TRAPPC9: variants seen among roughly 807,000 people sequenced by gnomAD.
The protein encoded by TRAPPC9 is IKK2 binding protein.
In TRAPPC9, 83 loss-of-function variants were observed where a neutral mutation model predicts 124.0. The observed-to-expected ratio is 0.67, with a 90% confidence interval of 0.56 to 0.80. The LOEUF is 0.80. Among genes scored for constraint, TRAPPC9 ranks in the 30% least tolerant of loss-of-function variants. TRAPPC9 has a pLI of 0.00. For synonymous variants in TRAPPC9, 638 were observed against 617.5 expected (o/e 1.03, Z -0.49); for missense variants, 1,302 against 1,508.3 (o/e 0.86, Z 2.27).
intron 21 of TRAPPC9, among the ~76,000 whole-genome samples, chr8:139,804,677 A>G (rs1365918718): frequency 9.4e-6 from 1 of 105,898 alleles, no homozygotes; most frequent in African/African-American, 3.9e-5. Flanking sequence ...AAGCACCACC[A>G]CCACACACAA....
intron 19 of TRAPPC9, among the ~76,000 whole-genome samples, chr8:139,959,446 G>A (rs1563952784): frequency 6.6e-6 from 1 of 152,182 alleles, no homozygotes; most frequent in Non-Finnish European, 1.5e-5. Context: ...TGGAGGCTCA[G>A]AGAGGGAATG....
At chr8:140,349,529 TGCTTG>T (rs1243209370) in intron 9 of TRAPPC9, among the ~76,000 whole-genome samples, 1 of 152,070 alleles carries the variant, frequency 6.6e-6, no homozygotes, top group African/African-American at 2.4e-5. Flanking sequence ...AGCGGAAGGT[TGCTTG>T]GCTTGGCTGG....
chr8:140,250,251 T>C (rs547202743), intron 16 of TRAPPC9, among the ~76,000 whole-genome samples: 3 of 152,356 alleles, frequency 2.0e-5, no homozygotes, highest in South Asian at 4.1e-4. Flanking sequence ...GCCCAGTCTT[T>C]ATACACAACA....
At chr8:140,274,032 T>C (rs554347112) in intron 15 of TRAPPC9, among the ~76,000 whole-genome samples, 70 of 152,084 alleles carry the variant, frequency 4.6e-4, no homozygotes, top group Non-Finnish European at 7.8e-4. Flanking sequence ...TGTGATCTCC[T>C]TGGGGCTGAA....
intron 17 of TRAPPC9, among the ~76,000 whole-genome samples, chr8:140,172,191 C>A (rs942175733): frequency 6.6e-6 from 1 of 152,114 alleles, no homozygotes; most frequent in African/African-American, 2.4e-5. Context: ...AGCATGAGCA[C>A]CTGTGGAGCA....
In TRAPPC9 at chr8:140,352,479, C is replaced by T. The variant is rs1053309507; in HGVS notation, c.1495+7571G>A. Among the ~76,000 whole-genome samples the T allele has an allele frequency of 6.6e-5, 10 of 152,130 alleles. No individual in the cohort carries two copies. The South Asian group carries it at 1.4e-3, about 22-fold the overall frequency. On this transcript the variant is annotated intron_variant, in intron 9 of 22. Coordinates refer to ENST00000438773, the MANE Select transcript of TRAPPC9 (RefSeq NM_001160372.4). ...GGGATTCTGTGCTACTTCCGCTGAA[C>T]GAGGAACTGGCAGCCTAATCTTGAT...
chr8:140,069,663 G>A (rs1003095158), intron 17 of TRAPPC9, among the ~76,000 whole-genome samples: 2 of 152,144 alleles, frequency 1.3e-5, no homozygotes, highest in Admixed American at 6.5e-5. Context: ...ATCAGGCAGG[G>A]TTCTCTAGAG....
At chr8:139,939,944 TC>T (rs1833800805) in intron 19 of TRAPPC9, among the ~76,000 whole-genome samples, 1 of 152,226 alleles carries the variant, frequency 6.6e-6, no homozygotes, top group Non-Finnish European at 1.5e-5. Context: ...CAGCTCCAGC[TC>T]CTGATCTCTC....
At chr8:140,435,377 T>C (rs937176844) in intron 3 of TRAPPC9, 137 bp from the exon 4 acceptor site, 17 of 1,267,218 alleles carry the variant, frequency 1.3e-5, no homozygotes, top group Non-Finnish European at 1.9e-5. Context: ...TATTTGGAAA[T>C]GCCAATTTTT....
rs71318317 is a variant in TRAPPC9 at position 139,917,167 on chromosome 8, C to CTTTTTTTTTTTTTTTTTTTTTTTTT, written c.2811-6868_2811-6867insAAAAAAAAAAAAAAAAAAAAAAAAA. On this transcript the variant is annotated intron_variant, in intron 19 of 22. Coordinates refer to ENST00000438773, the MANE Select transcript of TRAPPC9 (RefSeq NM_001160372.4). ...AGAAATCCTTCTTCATTATTATTTT[C>CTTTTTTTTTTTTTTTTTTTTTTTTT]TTTTTTTTTTTTTTTTTTTTTGTTG... 4.0e-4 allele frequency among the ~76,000 whole-genome samples: 40 copies of CTTTTTTTTTTTTTTTTTTTTTTTTT among 99,932 alleles called. 2 individuals are homozygous for CTTTTTTTTTTTTTTTTTTTTTTTTT. The highest frequency in any genetic ancestry group is 6.9e-4 in the African/African-American group (16 of 23,236). The allele number at this position is 99,932 out of a possible 152,430, so 65.6% of individuals were successfully genotyped here.
At chr8:139,958,087 A>C (rs1835115595) in intron 19 of TRAPPC9, among the ~76,000 whole-genome samples, 1 of 152,158 alleles carries the variant, frequency 6.6e-6, no homozygotes, top group Non-Finnish European at 1.5e-5. Context: ...TGCGCGAGTC[A>C]GTTGGTGATG....
intron 21 of TRAPPC9, among the ~76,000 whole-genome samples, chr8:139,780,613 GT>G (rs1035431695): frequency 6.6e-6 from 1 of 152,006 alleles, no homozygotes; most frequent in Non-Finnish European, 1.5e-5. Context: ...ATAACCTTGG[GT>G]ATGGCAATGC....
chr8:140,167,615 G>A (rs967473168), intron 17 of TRAPPC9, among the ~76,000 whole-genome samples: 1 of 152,194 alleles, frequency 6.6e-6, no homozygotes, highest in Non-Finnish European at 1.5e-5. Flanking sequence ...GTAGTTATAG[G>A]AACATGAAGG....
At chr8:140,387,544 C>A (rs1390444312) in intron 7 of TRAPPC9, among the ~76,000 whole-genome samples, 1 of 152,042 alleles carries the variant, frequency 6.6e-6, no homozygotes, top group Non-Finnish European at 1.5e-5. Flanking sequence ...AACAAACAAC[C>A]CCATCAACAA....
intron 7 of TRAPPC9, 28 bp from the exon 8 acceptor site, chr8:140,371,208 T>C: frequency 6.3e-7 from 1 of 1,577,926 alleles, no homozygotes; most frequent in Non-Finnish European, 8.6e-7. Flanking sequence ...AGTAAAAAGC[T>C]TTTGAAAGAA....
chr8:139,935,164 C>G (rs756422646), intron 19 of TRAPPC9, among the ~76,000 whole-genome samples: 6 of 152,204 alleles, frequency 3.9e-5, no homozygotes, highest in Non-Finnish European at 7.3e-5. Flanking sequence ...TGAAAGCCTA[C>G]TGATGTCTGC....
At position 140,223,742 on chromosome 8, in the gene TRAPPC9, T is replaced by A. The variant is rs557062297; in HGVS notation, c.2432-2159A>T. Among the ~76,000 whole-genome samples, 177 of 144,772 alleles carry A rather than the reference T, an allele frequency of 1.2e-3. 1 individual carries two copies. The highest frequency in any genetic ancestry group is 4.1e-3 in the African/African-American group (162 of 39,598). 95.0% of individuals were successfully genotyped at this position (144,772 alleles called of 152,430 possible). A position where few individuals can be genotyped will look rare whatever the true frequency, so the allele number is the denominator to read the frequency against. ...AGCATAATAGAAATAGTTCATAATTTAAAAAAAAAAAAACAAAAACACTTC... is the reference window on the plus strand; with the variant it reads ...AGCATAATAGAAATAGTTCATAATTAAAAAAAAAAAAAACAAAAACACTTC... On this transcript the variant is annotated intron_variant, in intron 16 of 22. Coordinates refer to ENST00000438773, the MANE Select transcript of TRAPPC9 (RefSeq NM_001160372.4).
intron 21 of TRAPPC9, among the ~76,000 whole-genome samples, chr8:139,824,963 T>G (rs1306195645): frequency 6.6e-6 from 1 of 152,188 alleles, no homozygotes; most frequent in Non-Finnish European, 1.5e-5. Context: ...CAGGGTTTTC[T>G]GTGTGCTCTC....
At chr8:140,300,979 T>G (rs1399282892) in intron 10 of TRAPPC9, among the ~76,000 whole-genome samples, 4 of 152,102 alleles carry the variant, frequency 2.6e-5, no homozygotes. Context: ...GTAGGTTCCT[T>G]GTGTATAAAG....
Sources: gnomAD v4.1 joint callset for allele counts (sites outside exome capture counted in the v4.1 genomes callset) on GRCh38, gnomAD v4.1.1 for gene constraint, MANE v1.5 for transcripts, NCBI Gene and HGNC (gene_info 2026-07-23, HGNC 2026-07-21) for gene names.